Variants in TMEM63C observed in about 807,000 individuals in gnomAD.
TMEM63C encodes transmembrane protein 63C, also known as osmosensitive cation channel TMEM63C.
In TMEM63C, 32 loss-of-function variants were observed where a neutral mutation model predicts 99.2. The observed-to-expected ratio is 0.32, with a 90% CI of 0.24 to 0.43. TMEM63C has a LOEUF of 0.43. Among genes scored for constraint, TMEM63C ranks in the 20% least tolerant of loss-of-function variants. The pLI, the probability that TMEM63C is intolerant of heterozygous loss-of-function variation, is 1.00. For missense variants in TMEM63C, 826 were observed against 1,053.0 expected (o/e 0.78, Z 2.98); for synonymous variants, 376 against 397.9 (o/e 0.94, Z 0.66).
At chr14:77,197,649 A>G (rs537256254) in intron 1 of TMEM63C, among the ~76,000 whole-genome samples, 39 of 152,248 alleles carry the variant, frequency 2.6e-4, no homozygotes, top group Non-Finnish European at 5.1e-4. Flanking sequence ...TCTCCCAGCC[A>G]TAGTCTGCTG....
intron 13 of TMEM63C, among the ~76,000 whole-genome samples, chr14:77,240,931 C>CTTTTTTTTTTTTTTTTT (rs575279817): frequency 7.8e-6 from 1 of 128,482 alleles, no homozygotes. Flanking sequence ...TTCCCTTTTT[C>CTTTTTTTTTTTTTTTTT]TTTTTTTTTT....
chr14:77,240,478 G>T lies in TMEM63C; in HGVS notation c.934G>T (p.Asp312Tyr). The change falls in exon 13 of 24, where the codon GAT (aspartate) becomes TAT (tyrosine). Residue 312 changes from aspartate (D) to tyrosine (Y), a missense_variant. Physicochemically the swap from Asp to Tyr is radical, Grantham distance 160 (BLOSUM62 -3). Coordinates refer to ENST00000298351, the MANE Select transcript of TMEM63C (RefSeq NM_020431.4). ...CKCWTCFKEV[D>Y]AEQYYSELEE... The stretch of plus-strand genomic sequence containing the variant: ...TGAAGGCTGCCTGCCACCCCAGGTG[G>T]ATGCAGAGCAGTATTACAGCGAGCT... 6.2e-7 allele frequency: 1 copy of T among 1,609,022 alleles called. No individual in the cohort carries two copies.
At chr14:77,256,465 G>A (rs2140135954) in intron 23 of TMEM63C, 61 bp from the exon 24 acceptor site, 4 of 1,540,510 alleles carry the variant, frequency 2.6e-6, no homozygotes, top group South Asian at 2.3e-5. Flanking sequence ...GGGAGAGGGT[G>A]TGCCCAGGGC....
intron 1 of TMEM63C, among the ~76,000 whole-genome samples, chr14:77,199,013 G>A (rs1888254535): frequency 6.6e-6 from 1 of 152,126 alleles, no homozygotes; most frequent in Non-Finnish European, 1.5e-5. Context: ...ATTCAAATGG[G>A]GCAGATAATG....
intron 1 of TMEM63C, among the ~76,000 whole-genome samples, chr14:77,200,756 C>T (rs1041660214): frequency 1.3e-5 from 2 of 152,352 alleles, no homozygotes; most frequent in Admixed American, 6.5e-5. Flanking sequence ...GGTCTCCTCC[C>T]GGAATGTTCT....
At chr14:77,198,852 A>AGGG (rs1467713792) in intron 1 of TMEM63C, among the ~76,000 whole-genome samples, 1 of 152,198 alleles carries the variant, frequency 6.6e-6, no homozygotes, top group African/African-American at 2.4e-5. Flanking sequence ...GTAAAGGGAC[A>AGGG]GGGAGGGGGC....
At chr14:77,222,169 T>C (rs1888734920) in intron 5 of TMEM63C, among the ~76,000 whole-genome samples, 1 of 152,218 alleles carries the variant, frequency 6.6e-6, no homozygotes, top group African/African-American at 2.4e-5. Flanking sequence ...TTGTAGTCAT[T>C]TGGGGTTCCA....
chr14:77,251,962 A>G, intron 22 of TMEM63C, 64 bp downstream of exon 22: 1 of 1,318,904 alleles, frequency 7.6e-7, no homozygotes, highest in Non-Finnish European at 1.1e-6. Context: ...GCTGTAGGAT[A>G]CTCTCCAGGT....
chr14:77,220,242 C>T (rs1012572998), intron 5 of TMEM63C, among the ~76,000 whole-genome samples, 155 bp downstream of exon 5: 2 of 152,190 alleles, frequency 1.3e-5, no homozygotes, highest in Non-Finnish European at 2.9e-5. Flanking sequence ...TCCTCAGCCT[C>T]CCCCAGACTC....
intron 1 of TMEM63C, among the ~76,000 whole-genome samples, chr14:77,196,843 C>T (rs1479277826): frequency 6.6e-6 from 1 of 152,176 alleles, no homozygotes; most frequent in East Asian, 1.9e-4. Flanking sequence ...GCGGGAAGCC[C>T]TTTGGCTTCA....
chr14:77,237,632 G>A (rs1027765007), intron 9 of TMEM63C, among the ~76,000 whole-genome samples: 6 of 152,218 alleles, frequency 3.9e-5, no homozygotes, highest in Non-Finnish European at 7.3e-5. Flanking sequence ...TGAGGGTTGC[G>A]CTTGGGGGCT....
intron 10 of TMEM63C, among the ~76,000 whole-genome samples, chr14:77,238,982 G>T (rs1889109238): frequency 6.6e-6 from 1 of 152,204 alleles, no homozygotes; most frequent in African/African-American, 2.4e-5. Flanking sequence ...GCATGGCATG[G>T]CTGTGATATG....
chr14:77,192,760 G>A (rs2140091313), intron 1 of TMEM63C, among the ~76,000 whole-genome samples: 1 of 151,844 alleles, frequency 6.6e-6, no homozygotes, highest in East Asian at 1.9e-4. Flanking sequence ...GTGAGACCCT[G>A]CTTCAAGAAA....
intron 6 of TMEM63C, among the ~76,000 whole-genome samples, chr14:77,231,122 GTCCAACTT>G (rs928693321): frequency 3.3e-5 from 5 of 152,212 alleles, no homozygotes; most frequent in African/African-American, 1.2e-4. Flanking sequence ...ACTTAGTGTT[GTCCAACTT>G]TCCAACTTTG....
At chr14:77,186,109 T>C (rs145389365) in intron 1 of TMEM63C, among the ~76,000 whole-genome samples, 1,765 of 152,134 alleles carry the variant, frequency 0.012, 21 homozygotes, top group African/African-American at 0.04. Flanking sequence ...CCTCCCAGGT[T>C]CAAGCGATTC....
chr14:77,205,575 T>G (rs1401342622), intron 1 of TMEM63C, among the ~76,000 whole-genome samples: 3 of 152,216 alleles, frequency 2.0e-5, no homozygotes, highest in Non-Finnish European at 4.4e-5. Flanking sequence ...AGAGTTGAAC[T>G]GGGCCTTGCC....
chr14:77,256,801 G>A lies in TMEM63C; in HGVS notation c.*75G>A. On this transcript the variant is annotated 3_prime_UTR_variant, in exon 24 of 24. Transcript: ENST00000298351. ...CCTGGCAAGGGGAGGCAGGAGGGTG[G>A]CCTGGACCTCCCCACTACCTCCTGC... The A allele has an allele frequency of 7.0e-7, 1 of 1,426,142 alleles. No homozygotes were observed. The highest frequency in any genetic ancestry group is 9.7e-7 in the Non-Finnish European group (1 of 1,032,828). 88.3% of individuals were successfully genotyped at this position (1,426,142 alleles called of 1,614,324 possible). A position where few individuals can be genotyped will look rare whatever the true frequency, so the allele number is the denominator to read the frequency against.
At chr14:77,206,891 A>T (rs74069511) in intron 1 of TMEM63C, among the ~76,000 whole-genome samples, 70 of 127,892 alleles carry the variant, frequency 5.5e-4, no homozygotes, top group African/African-American at 3.1e-3. Context: ...TTTTTCTTTT[A>T]TTTTTTTTTA....
intron 23 of TMEM63C, among the ~76,000 whole-genome samples, 197 bp downstream of exon 23, chr14:77,253,573 T>A (rs1889410210): frequency 6.6e-6 from 1 of 150,750 alleles, no homozygotes; most frequent in Non-Finnish European, 1.5e-5. Context: ...GGATGAAGAG[T>A]GAGAAAAAGA....
Sources: allele counts gnomAD v4.1 joint callset (sites outside exome capture counted in the v4.1 genomes callset), GRCh38; gene constraint gnomAD v4.1.1; transcripts MANE v1.5; gene names NCBI Gene and HGNC (gene_info 2026-07-23, HGNC 2026-07-21).